The following PAPPA2 variants were observed in gnomAD, a reference collection of about 807,000 sequenced individuals.
PAPPA2 encodes pappalysin-2.
A neutral mutation model predicts 176.4 loss-of-function variants in PAPPA2; 86 were observed. The observed-to-expected ratio is 0.49, with a 90% CI of 0.41 to 0.58. The LOEUF (loss-of-function observed/expected upper bound fraction) is 0.58, where lower values mean the gene tolerates loss of function less well. Ranked by LOEUF, PAPPA2 falls within the 20% of genes least tolerant of loss-of-function variation. The probability of loss-of-function intolerance (pLI) is 0.00; values close to 1 mark genes in which losing one functional copy is unlikely to be tolerated. For missense variants in PAPPA2, 2,073 were observed against 2,256.9 expected, an observed-to-expected ratio of 0.92 and a Z score of 1.65; for synonymous variants, 809 against 852.2, an observed-to-expected ratio of 0.95 and a Z score of 0.88.
rs531408308 is a variant in PAPPA2, at chr1:176,518,622, A to G, written c.-916-36785A>G. On this transcript the variant is annotated intron_variant, in intron 1 of 22. Transcript: ENST00000367662. ...ATCCAATCAAGGGTCCTTATTTTGA[A>G]AAGTTGTTTTTGTTTTTTAAGGCTA... 1.1e-3 allele frequency among the ~76,000 whole-genome samples: 169 copies of G among 152,322 alleles called. 1 individual carries two copies. The highest frequency in any genetic ancestry group is 3.8e-3 in the African/African-American group (158 of 41,574).
intron 2 of PAPPA2, among the ~76,000 whole-genome samples, chr1:176,570,470 T>A (rs913435080): frequency 6.6e-6 from 1 of 152,232 alleles, no homozygotes; most frequent in African/African-American, 2.4e-5. Context: ...AGAATAATAG[T>A]AAACACTAAC....
At chr1:176,679,111 A>T (rs1251711625) in intron 4 of PAPPA2, among the ~76,000 whole-genome samples, 1 of 152,156 alleles carries the variant, frequency 6.6e-6, no homozygotes, top group East Asian at 1.9e-4. Flanking sequence ...CTGCACTCTC[A>T]TGGTAAACAT....
chr1:176,649,077 A>T (rs746656371), intron 3 of PAPPA2, among the ~76,000 whole-genome samples: 1 of 151,240 alleles, frequency 6.6e-6, no homozygotes, highest in Non-Finnish European at 1.5e-5. Context: ...TTTTTCTTTG[A>T]TGGGAGACTT....
In PAPPA2 at chr1:176,782,707, C is replaced by T. The variant is rs543666269; in HGVS notation, c.4716-7102C>T. Among the ~76,000 whole-genome samples the T allele has an allele frequency of 5.3e-5, 8 of 152,168 alleles. 1 individual carries two copies. Among genetic ancestry groups the T allele is most frequent in the African/African-American group, 1.4e-4 (6 of 41,526 alleles). ...AATGGAACCAGAACACACGGGACCT[C>T]GTAGGCTAAAGAAAGAAGTTTGGAT... On this transcript the variant is annotated intron_variant, in intron 17 of 22. Coordinates refer to ENST00000367662, the MANE Select transcript of PAPPA2 (RefSeq NM_020318.3).
rs565515403 is a variant in PAPPA2 at position 176,551,425 on chromosome 1, T to C, written c.-916-3982T>C. ...GGCTGGCTCCCAGCTGAGCTTTTCC[T>C]TCAAGGGATCAGATTTTGGAACCAG... On this transcript the variant is annotated intron_variant, in intron 1 of 22. Transcript: ENST00000367662. 2.0e-5 allele frequency among the ~76,000 whole-genome samples: 3 copies of C among 152,294 alleles called. No homozygotes were observed. The South Asian group carries it at 6.2e-4, about 32-fold the overall frequency.
At chr1:176,628,287 C>T (rs532827237) in intron 3 of PAPPA2, among the ~76,000 whole-genome samples, 151 of 152,270 alleles carry the variant, frequency 9.9e-4, no homozygotes, top group African/African-American at 3.5e-3. Context: ...TCTCAGAAAT[C>T]CTTGTGTCCT....
intron 1 of PAPPA2, among the ~76,000 whole-genome samples, chr1:176,510,822 C>CACACAG (rs1400927570): frequency 6.7e-6 from 1 of 149,614 alleles, no homozygotes; most frequent in Non-Finnish European, 1.5e-5. Flanking sequence ...CACACACACA[C>CACACAG]ACACACACAC....
chr1:176,713,420 C>A (rs967930615), intron 12 of PAPPA2, among the ~76,000 whole-genome samples: 1 of 152,122 alleles, frequency 6.6e-6, no homozygotes, highest in Non-Finnish European at 1.5e-5. Flanking sequence ...TTCTTTAAAC[C>A]TGAGCAAAGG....
At chr1:176,823,854 G>A (rs994082332) in intron 21 of PAPPA2, among the ~76,000 whole-genome samples, 3 of 152,162 alleles carry the variant, frequency 2.0e-5, no homozygotes, top group Non-Finnish European at 4.4e-5. Flanking sequence ...AGAGAGAAAA[G>A]AAGGTAGGAT....
At chr1:176,515,408 G>T (rs1056255137) in intron 1 of PAPPA2, among the ~76,000 whole-genome samples, 2 of 152,118 alleles carry the variant, frequency 1.3e-5, no homozygotes, top group Non-Finnish European at 2.9e-5. Context: ...GTCCCCATAT[G>T]ATCTCATCCA....
chr1:176,789,815 C>T lies in PAPPA2; in HGVS notation c.4722C>T (p.Leu1574=). 1 of 1,613,362 alleles carries T rather than the reference C, an allele frequency of 6.2e-7. No individual in the cohort carries two copies. The highest frequency in any genetic ancestry group is 8.5e-7 in the Non-Finnish European group (1 of 1,179,706). ...TTGTTTTATGTTTTATCAGCAAGCT[C>T]CTGAAGATACAATGCCTGGAAGGTG... The part of the protein sequence containing the change: ...ESAEGKVRNK[L]LKIQCLEGGI... Residue 1574 remains leucine, a synonymous_variant, in exon 18 of 23, where the codon CTC becomes CTT. Transcript: ENST00000367662.
At position 176,595,558 on chromosome 1, in the gene PAPPA2, G is replaced by A. The variant is rs1402182042; in HGVS notation, c.1954G>A (p.Val652Met). The A allele has an allele frequency of 6.2e-7, 1 of 1,613,918 alleles. No homozygotes were observed. Among genetic ancestry groups the A allele is most frequent in the East Asian group, 2.2e-5 (1 of 44,880 alleles). The change falls in exon 3 of 23, where the codon GTG becomes ATG. Residue 652 changes from valine (V) to methionine (M), a missense_variant. Around this residue, in one of 4 missense-constraint regions of PAPPA2, gnomAD observed 1,196 missense variants for 1,330.4 expected, o/e 0.90. Coordinates refer to ENST00000367662, the MANE Select transcript of PAPPA2 (RefSeq NM_020318.3). The stretch of plus-strand genomic sequence containing the variant: ...CTGCTGCGACCCCCAGGTGGCTGAT[G>A]TGCGCAAGACCTGCTTTGACCCTGA... ...GDCCDPQVAD[V>M]RKTCFDPDSP...
intron 1 of PAPPA2, among the ~76,000 whole-genome samples, chr1:176,551,822 G>A (rs75321216): frequency 5.3e-4 from 81 of 152,166 alleles, no homozygotes; most frequent in East Asian, 4.3e-3. Context: ...GGTTTCTTTA[G>A]GGGGGTGGGT....
chr1:176,666,777 A>G (rs1658679925), intron 3 of PAPPA2, among the ~76,000 whole-genome samples: 1 of 152,100 alleles, frequency 6.6e-6, no homozygotes, highest in East Asian at 1.9e-4. Flanking sequence ...AAAATTTCAA[A>G]TTACCCCTGG....
intron 8 of PAPPA2, among the ~76,000 whole-genome samples, chr1:176,702,276 TA>T (rs1300730437): frequency 6.6e-6 from 1 of 152,210 alleles, no homozygotes. Context: ...GGCTTTTAAA[TA>T]GTTTTGTTTT....
chr1:176,827,276 GA>G (rs763445656), intron 21 of PAPPA2, among the ~76,000 whole-genome samples: 8 of 151,256 alleles, frequency 5.3e-5, no homozygotes, highest in East Asian at 3.9e-4. Context: ...TCTTCTTCTG[GA>G]AAAAAAACAC....
chr1:176,822,096 T>G (rs1316414513), intron 21 of PAPPA2, among the ~76,000 whole-genome samples: 1 of 152,204 alleles, frequency 6.6e-6, no homozygotes, highest in Non-Finnish European at 1.5e-5. Flanking sequence ...ATAACTACAA[T>G]AAACATTCCC....
chr1:176,786,933 G>A (rs545915958), intron 17 of PAPPA2, among the ~76,000 whole-genome samples: 6 of 152,218 alleles, frequency 3.9e-5, no homozygotes, highest in Non-Finnish European at 8.8e-5. Context: ...TGAGGGTGGA[G>A]AGGAAGAGGA....
intron 12 of PAPPA2, among the ~76,000 whole-genome samples, chr1:176,723,621 A>G (rs1053564870): frequency 1.3e-5 from 2 of 152,136 alleles, no homozygotes; most frequent in Non-Finnish European, 2.9e-5. Context: ...GTGAGAAACA[A>G]TGATAGTGGC....
Sources: allele counts gnomAD v4.1 joint callset (sites outside exome capture counted in the v4.1 genomes callset), GRCh38; gene constraint gnomAD v4.1.1; regional missense constraint gnomAD v4.1.1; transcripts MANE v1.5; gene names NCBI Gene and HGNC (gene_info 2026-07-23, HGNC 2026-07-21).